NBEA: variants seen among roughly 807,000 people sequenced by gnomAD.
The protein encoded by NBEA is lysosomal-trafficking regulator 2.
A neutral mutation model predicts 343.4 loss-of-function variants in NBEA; 44 were observed. That is an observed-to-expected ratio of 0.13 (90% CI 0.10 to 0.16). The LOEUF (loss-of-function observed/expected upper bound fraction) is 0.16. NBEA is among the 10% of genes least tolerant of loss of function. The probability of loss-of-function intolerance (pLI) is 1.00; values close to 1 mark genes in which losing one functional copy is unlikely to be tolerated. For missense variants in NBEA, 2,555 were observed against 3,631.3 expected, an observed-to-expected ratio of 0.70 and a Z score of 7.62; for synonymous variants, 1,175 against 1,238.7, an observed-to-expected ratio of 0.95 and a Z score of 1.08.
intron 55 of NBEA, among the ~76,000 whole-genome samples, 160 bp downstream of exon 55, chr13:35,655,909 T>C (rs1415888668): frequency 6.6e-6 from 1 of 152,184 alleles, no homozygotes; most frequent in Non-Finnish European, 1.5e-5. Flanking sequence ...ATGTTCAAAG[T>C]GTTAAAATGA....
chr13:35,252,843 C>A (rs2032137169), intron 34 of NBEA, among the ~76,000 whole-genome samples: 1 of 152,092 alleles, frequency 6.6e-6, no homozygotes, highest in African/African-American at 2.4e-5. Flanking sequence ...GCTGGATGGG[C>A]CTGAATGTTG....
intron 38 of NBEA, among the ~76,000 whole-genome samples, chr13:35,423,473 T>G (rs1177908171): frequency 6.6e-6 from 1 of 152,166 alleles, no homozygotes; most frequent in African/African-American, 2.4e-5. Context: ...TATGCGTCAT[T>G]ATTTCTGAGG....
At chr13:35,254,204 T>C (rs1041815526) in intron 34 of NBEA, among the ~76,000 whole-genome samples, 3 of 152,018 alleles carry the variant, frequency 2.0e-5, no homozygotes, top group East Asian at 3.8e-4. Flanking sequence ...GATTAATATT[T>C]GGTCCAATTT....
chr13:34,969,880 G>A (rs527276190), intron 1 of NBEA, among the ~76,000 whole-genome samples: 1 of 151,904 alleles, frequency 6.6e-6, no homozygotes, highest in African/African-American at 2.4e-5. Flanking sequence ...CCTCTGTAAT[G>A]GAATGATGTA....
intron 1 of NBEA, among the ~76,000 whole-genome samples, chr13:34,951,073 C>T (rs947211431): frequency 2.0e-5 from 3 of 152,028 alleles, no homozygotes; most frequent in Admixed American, 6.6e-5. Context: ...ACAGCTATTC[C>T]GAGTGACATT....
intron 41 of NBEA, chr13:35,476,627 G>T: frequency 2.0e-6 from 1 of 505,402 alleles, no homozygotes; most frequent in Non-Finnish European, 3.6e-6. Flanking sequence ...AAAGTGTGCT[G>T]AGTGTGTGTC....
intron 28 of NBEA, among the ~76,000 whole-genome samples, chr13:35,180,595 A>T (rs2071246421): frequency 6.6e-6 from 1 of 151,594 alleles, no homozygotes; most frequent in Admixed American, 6.6e-5. Flanking sequence ...TTGAGTTTGG[A>T]AATGAGGAGC....
intron 1 of NBEA, among the ~76,000 whole-genome samples, chr13:34,965,473 C>T (rs1192889232): frequency 2.6e-5 from 4 of 152,010 alleles, no homozygotes; most frequent in African/African-American, 9.6e-5. Context: ...CTGAGATTGG[C>T]TCGAAAGGGT....
rs562132403 is a variant in NBEA, at chr13:35,317,852, C to T, written c.5903+8260C>T. On this transcript the variant is annotated intron_variant, in intron 36 of 58. Transcript: ENST00000379939. ...TGTGAGTTGTATTCCTAGGTATTAT[C>T]TTAGTAGCAGTGGTGAATGGGAGTT... Among the ~76,000 whole-genome samples the T allele has an allele frequency of 2.0e-5, 3 of 150,730 alleles. No individual in the cohort carries two copies. The South Asian group carries it at 6.3e-4, about 31-fold the overall frequency.
intron 41 of NBEA, 107 bp from the exon 42 acceptor site, chr13:35,550,369 GA>G (rs1482173536): frequency 1.6e-6 from 1 of 625,128 alleles, no homozygotes; most frequent in Non-Finnish European, 2.7e-6. Context: ...TGTTGTGACA[GA>G]CAGTGAATTC....
At chr13:35,513,361 G>A (rs1702958598) in intron 41 of NBEA, among the ~76,000 whole-genome samples, 1 of 141,100 alleles carries the variant, frequency 7.1e-6, no homozygotes. Flanking sequence ...ATGTTGGCCA[G>A]GCTGGTTTTG....
At chr13:35,620,735 T>C (rs1463504610) in intron 48 of NBEA, among the ~76,000 whole-genome samples, 1 of 151,908 alleles carries the variant, frequency 6.6e-6, no homozygotes, top group Non-Finnish European at 1.5e-5. Context: ...GAGATGATGG[T>C]GGCTTGGACC....
At chr13:35,581,884 T>TAAAAAAAAAAAAAAA (rs67036210) in intron 45 of NBEA, among the ~76,000 whole-genome samples, 1 of 110,470 alleles carries the variant, frequency 9.1e-6, no homozygotes, top group African/African-American at 3.8e-5. Flanking sequence ...AAAGTATAAT[T>TAAAAAAAAAAAAAAA]AAAAAAAAAA....
intron 36 of NBEA, among the ~76,000 whole-genome samples, chr13:35,322,273 G>A (rs1246095688): frequency 6.6e-6 from 1 of 152,196 alleles, no homozygotes; most frequent in African/African-American, 2.4e-5. Context: ...CAAACACTGT[G>A]GGAAAAGTGT....
At chr13:35,504,972 A>G (rs2077021764) in intron 41 of NBEA, among the ~76,000 whole-genome samples, 1 of 152,156 alleles carries the variant, frequency 6.6e-6, no homozygotes. Flanking sequence ...TAAAAATGCT[A>G]CGATTATCGG....
intron 30 of NBEA, among the ~76,000 whole-genome samples, chr13:35,187,008 AAACTTT>A (rs1417019077): frequency 4.6e-4 from 70 of 152,274 alleles, no homozygotes; most frequent in Admixed American, 2.4e-3. Context: ...TTAAAAGTTT[AAACTTT>A]AACTTAAACT....
At chr13:35,243,734 A>G (rs117606931) in intron 34 of NBEA, among the ~76,000 whole-genome samples, 5,602 of 152,006 alleles carry the variant, frequency 0.037, 149 homozygotes, top group Non-Finnish European at 0.054. Flanking sequence ...ACCAAACATG[A>G]GAGTTCCTAA....
At chr13:35,050,822 C>A (rs1386948526) in intron 6 of NBEA, among the ~76,000 whole-genome samples, 1 of 151,778 alleles carries the variant, frequency 6.6e-6, no homozygotes, top group African/African-American at 2.4e-5. Flanking sequence ...AATATTGTTT[C>A]CTGAGATTGA....
At chr13:35,140,546 A>G (rs1447377711) in intron 17 of NBEA, among the ~76,000 whole-genome samples, 1 of 151,930 alleles carries the variant, frequency 6.6e-6, no homozygotes, top group Non-Finnish European at 1.5e-5. Context: ...TTTCAGTCAT[A>G]TTTAAGTGTT....
Sources: allele counts gnomAD v4.1 joint callset (sites outside exome capture counted in the v4.1 genomes callset), GRCh38; gene constraint gnomAD v4.1.1; transcripts MANE v1.5; gene names NCBI Gene and HGNC (gene_info 2026-07-23, HGNC 2026-07-21).